TATDN2: variants seen among roughly 807,000 people sequenced by gnomAD.
The protein encoded by TATDN2 is TatD DNase domain containing 2.
TATDN2 carries 44 observed loss-of-function variants against 60.3 expected under a neutral mutation model. That is an observed-to-expected ratio of 0.73 (90% CI 0.57 to 0.94). The LOEUF (loss-of-function observed/expected upper bound fraction) is 0.94, where lower values mean the gene tolerates loss of function less well. TATDN2 is among the 40% of genes least tolerant of loss of function. The pLI, the probability that TATDN2 is intolerant of heterozygous loss-of-function variation, is 0.00. For synonymous variants in TATDN2, 399 were observed against 355.8 expected (o/e 1.12, Z -1.37); for missense variants, 997 against 948.0 (o/e 1.05, Z -0.68).
intron 4 of TATDN2, among the ~76,000 whole-genome samples, chr3:10,271,299 A>G (rs1342717601): frequency 1.3e-5 from 2 of 152,198 alleles, no homozygotes; most frequent in South Asian, 2.1e-4. Flanking sequence ...TTGGGAAGCA[A>G]TAAACTTTAG....
chr3:10,256,056 A>T (rs1698303695), intron 2 of TATDN2, among the ~76,000 whole-genome samples: 1 of 152,176 alleles, frequency 6.6e-6, no homozygotes, highest in Non-Finnish European at 1.5e-5. Context: ...CTTGGCAGTT[A>T]TCACTCTCTA....
rs1263361144 is a variant in TATDN2 at position 10,271,085 on chromosome 3, GGTTTAT to G, written c.1833+71_1833+76del. On this transcript the variant is annotated intron_variant, in intron 4 of 7. Coordinates refer to ENST00000448281, the MANE Select transcript of TATDN2 (RefSeq NM_014760.4). ...TTAGTTGTTGAAGCCTGACAATAAG[GGTTTAT>G]CTAATTTTAGAAGTAAATAATTGAG... is the stretch of plus-strand genomic sequence containing the variant. 3.4e-6 allele frequency: 5 copies of G among 1,482,904 alleles called. No individual in the cohort carries two copies. The Admixed American group carries it at 1.2e-4, about 36-fold the overall frequency. 91.9% of individuals were successfully genotyped at this position (1,482,904 alleles called of 1,614,324 possible).
chr3:10,253,201 A>T (rs753727108), intron 2 of TATDN2, among the ~76,000 whole-genome samples: 1 of 151,346 alleles, frequency 6.6e-6, no homozygotes, highest in Non-Finnish European at 1.5e-5. Context: ...GAGTCTCCCT[A>T]TGTTGACCAG....
chr3:10,277,159 TGAAAG>T (rs1559465162), intron 5 of TATDN2, among the ~76,000 whole-genome samples: 3 of 152,182 alleles, frequency 2.0e-5, no homozygotes, highest in African/African-American at 7.2e-5. Flanking sequence ...TTAGGGTACT[TGAAAG>T]GACATTTTCT....
chr3:10,254,256 A>T (rs573640141), intron 2 of TATDN2, among the ~76,000 whole-genome samples: 12 of 152,118 alleles, frequency 7.9e-5, no homozygotes, highest in African/African-American at 2.4e-4. Context: ...GGTTTGGAGT[A>T]CCCAAGGGTC....
Position 10,260,538 on chromosome 3 carries a change from C to T in TATDN2, c.816C>T (p.Asp272=), listed in dbSNP as rs957655020. The change falls in exon 3 of 8, where the codon GAC becomes GAT. Residue 272 remains aspartate, a synonymous_variant. Transcript: ENST00000448281. ...TGCCAGAGAGGAGCAGCTTCTATGA[C>T]AGGAGAGTAGTTATAGACCCTCAAG... ...KTVPERSSFY[D]RRVVIDPQEK... 2 of 1,614,036 alleles carry T rather than the reference C, an allele frequency of 1.2e-6. No individual in the cohort carries two copies. Among genetic ancestry groups the T allele is most frequent in the South Asian group, 1.1e-5 (1 of 91,088 alleles).
intron 5 of TATDN2, among the ~76,000 whole-genome samples, chr3:10,276,928 C>T (rs1403992702): frequency 1.3e-5 from 2 of 152,076 alleles, no homozygotes; most frequent in Non-Finnish European, 2.9e-5. Flanking sequence ...TAGGTTAAAC[C>T]ACTTGAAATT....
intron 2 of TATDN2, among the ~76,000 whole-genome samples, chr3:10,257,614 A>C (rs1260179048): frequency 6.8e-6 from 1 of 147,310 alleles, no homozygotes; most frequent in Admixed American, 6.8e-5. Context: ...AAAAAAAACA[A>C]AAAAAAAAAA....
rs958452557 is a variant in TATDN2, at chr3:10,249,163, G to T, written c.-6-32G>T. The T allele has an allele frequency of 2.0e-6, 3 of 1,485,676 alleles. No homozygotes were observed. The African/African-American group carries it at 4.3e-5, about 21-fold the overall frequency. The allele number at this position is 1,485,676 out of a possible 1,614,324, so 92.0% of individuals were successfully genotyped here. A position where few individuals can be genotyped will look rare whatever the true frequency, so the allele number is the denominator to read the frequency against. ...TGAGGTGGGGTCGCCAGGAAGGGTG[G>T]TGTTGGAATCCAGGCCCCCTGTACC... On this transcript the variant is annotated intron_variant, in intron 1 of 7. Transcript: ENST00000448281.
chr3:10,249,532 C>T lies in TATDN2; in HGVS notation c.332C>T (p.Ser111Phe), dbSNP rs202032189. ...CLIRNTRGFL[S>F]SGGSPLRPAN... ...ATTCGGAACACTCGGGGGTTCCTGT[C>T]TTCAGGGGGATCCCCTCTGCGTCCT... Residue 111 changes from serine (S) to phenylalanine (F), a missense_variant, in exon 2 of 8, where the codon TCT (serine) becomes TTT (phenylalanine). Coordinates refer to ENST00000448281, the MANE Select transcript of TATDN2 (RefSeq NM_014760.4). The T allele has an allele frequency of 1.3e-6, 2 of 1,598,584 alleles. No homozygotes were observed. Among genetic ancestry groups the T allele is most frequent in the South Asian group, 1.1e-5 (1 of 89,216 alleles).
At chr3:10,273,639 A>G (rs1284166338) in intron 4 of TATDN2, among the ~76,000 whole-genome samples, 3 of 151,964 alleles carry the variant, frequency 2.0e-5, no homozygotes, top group Non-Finnish European at 4.4e-5. Context: ...TATCTGGGCA[A>G]GATGATAGGG....
chr3:10,272,039 A>AT (rs145726114), intron 4 of TATDN2, among the ~76,000 whole-genome samples: 2,772 of 151,858 alleles, frequency 0.018, 72 homozygotes, highest in African/African-American at 0.064. Flanking sequence ...CCCTGTTAAT[A>AT]TTTTTTTTCC....
At chr3:10,274,984 A>G (rs1159288183) in intron 4 of TATDN2, among the ~76,000 whole-genome samples, 1 of 148,150 alleles carries the variant, frequency 6.7e-6, no homozygotes, top group East Asian at 2.0e-4. Flanking sequence ...GCTTATAATG[A>G]ATTAATTTTT....
In TATDN2 at chr3:10,248,848, A is replaced by G; in HGVS notation, c.-226A>G. ...GCTTGACAGTTCTAAAGGGCTTTAT[A>G]TTGCAAACTGATCAAAGCGCTTCGT... On this transcript the variant is annotated 5_prime_UTR_variant, in exon 1 of 8. The change creates a new upstream start codon in the 5' untranslated region. Coordinates refer to ENST00000448281, the MANE Select transcript of TATDN2 (RefSeq NM_014760.4). 4.1e-6 allele frequency: 1 copy of G among 244,070 alleles called. No homozygotes were observed. Among genetic ancestry groups the G allele is most frequent in the East Asian group, 7.7e-5 (1 of 13,010 alleles). The allele number at this position is 244,070 out of a possible 1,614,324, so 15.1% of individuals were successfully genotyped here.
Position 10,278,511 on chromosome 3 carries a change from G to A in TATDN2, c.2145+49G>A. On this transcript the variant is annotated intron_variant, in intron 6 of 7. Transcript: ENST00000448281. The surrounding 1 kb of genome is among the most constrained non-coding windows in gnomAD (Gnocchi z 4.7). ...GGAGGCACCGGAGGGAGAGGGTGGG[G>A]AGGTGGGTGGTCACCCTTACAAGGT... The A allele has an allele frequency of 6.3e-7, 1 of 1,593,820 alleles. No individual in the cohort carries two copies. The highest frequency in any genetic ancestry group is 1.1e-5 in the South Asian group (1 of 89,870).
intron 3 of TATDN2, among the ~76,000 whole-genome samples, chr3:10,261,531 G>A (rs1050750918): frequency 2.6e-5 from 4 of 151,920 alleles, no homozygotes; most frequent in South Asian, 4.2e-4. Flanking sequence ...CCACCAAACC[G>A]GCTAATTTTT....
At position 10,270,238 on chromosome 3, in the gene TATDN2, G is replaced by C. The variant is rs775494886; in HGVS notation, c.1056G>C (p.Leu352=). The C allele has an allele frequency of 1.1e-5, 17 of 1,614,176 alleles. No homozygotes were observed. The South Asian group carries it at 1.9e-4, about 18-fold the overall frequency. Residue 352 remains leucine (L), a synonymous_variant, in exon 4 of 8, where the codon CTG becomes CTC. Coordinates refer to ENST00000448281, the MANE Select transcript of TATDN2 (RefSeq NM_014760.4). The part of the protein sequence containing the change: ...VRFSQEEPVS[L]KPSAVPEPSS... ...TCTCTCAGGAGGAACCTGTCTCCCT[G>C]AAACCTTCAGCCGTTCCGGAGCCTT...
At position 10,278,294 on chromosome 3, in the gene TATDN2, C is replaced by T. The variant is rs781586245; in HGVS notation, c.1977C>T (p.Gly659=). 14 of 1,613,726 alleles carry T rather than the reference C, an allele frequency of 8.7e-6. No individual in the cohort carries two copies. The South Asian group carries it at 1.5e-4, about 18-fold the overall frequency. Residue 659 remains glycine (G), a synonymous_variant, in exon 6 of 8, where the codon GGC becomes GGT. Coordinates refer to ENST00000448281, the MANE Select transcript of TATDN2 (RefSeq NM_014760.4). This position sits in a 1 kb window ranked among gnomAD's most constrained non-coding sequence, Gnocchi z 4.7. Reference sequence around the variant, plus strand: ...CTGTCTCCAGGCATTGCTTCACCGGCAGCTACCCGGTCATTGAGCCCCTGC... The same window carrying T: ...CTGTCTCCAGGCATTGCTTCACCGGTAGCTACCCGGTCATTGAGCCCCTGC... ...DYKIHRHCFT[G]SYPVIEPLLK...
chr3:10,249,260 C>G lies in TATDN2; in HGVS notation c.60C>G (p.Pro20=), dbSNP rs538341182. 2 of 1,572,902 alleles carry G rather than the reference C, an allele frequency of 1.3e-6. No homozygotes were observed. Among genetic ancestry groups the G allele is most frequent in the Admixed American group, 1.8e-5 (1 of 54,408 alleles). The change falls in exon 2 of 8, where the codon CCC becomes CCG. Residue 20 remains proline, a synonymous_variant. Transcript: ENST00000448281. ...GGAGCAGCACGTCGGAAGGGTGTCC[C>G]CGCAAGCGCAGCTGCCTCCGGGAGC... ...HNWSSTSEGC[P]RKRSCLREPC...
Sources: allele counts gnomAD v4.1 joint callset (sites outside exome capture counted in the v4.1 genomes callset), GRCh38; gene constraint gnomAD v4.1.1; non-coding constraint Gnocchi (gnomAD v3.1); transcripts MANE v1.5; gene names NCBI Gene and HGNC (gene_info 2026-07-23, HGNC 2026-07-21).